NDUFAF6: variants seen among roughly 807,000 people sequenced by gnomAD.
NDUFAF6 encodes the protein NADH dehydrogenase (ubiquinone) complex I, assembly factor 6.
NDUFAF6 carries 45 observed loss-of-function variants against 40.8 expected under a neutral mutation model. The ratio of observed to expected loss-of-function variants is 1.10; its 90% CI spans 0.87 to 1.42. NDUFAF6 has a LOEUF of 1.42. NDUFAF6 is among the 40% of genes most tolerant of loss of function. The pLI is 0.00. For missense variants in NDUFAF6, 435 were observed against 418.5 expected, an observed-to-expected ratio of 1.04 and a Z score of -0.34; for synonymous variants, 185 against 155.9, an observed-to-expected ratio of 1.19 and a Z score of -1.39.
Position 94,911,592 on chromosome 8 carries a change from A to G in NDUFAF6, c.-936+15665A>G, listed in dbSNP as rs112542088. Among the ~76,000 whole-genome samples the G allele has an allele frequency of 2.6e-3, 399 of 152,298 alleles. 4 individuals are homozygous for G. Among genetic ancestry groups the G allele is most frequent in the African/African-American group, 9.1e-3 (378 of 41,572 alleles). ...CAGATAATCACTGTTTCTCCCTTTA[A>G]TCCTTTTAGAGACAAAGTAAGAATA... On this transcript the variant is annotated intron_variant, in intron 1 of 14. Coordinates refer to the NDUFAF6 transcript ENST00000396113.
chr8:95,074,455 TC>T (rs2132041437), intron 9 of NDUFAF6, among the ~76,000 whole-genome samples: 1 of 113,840 alleles, frequency 8.8e-6, no homozygotes, highest in Non-Finnish European at 1.9e-5. Context: ...TCTCTGCACT[TC>T]CCTTCCTGAA....
chr8:95,039,771 G>A (rs1296605533), intron 3 of NDUFAF6, among the ~76,000 whole-genome samples: 1 of 151,626 alleles, frequency 6.6e-6, no homozygotes, highest in Non-Finnish European at 1.5e-5. Flanking sequence ...CTACAAGCAC[G>A]TACCAGCAAG....
At chr8:94,896,171 T>G (rs543696548) in intron 1 of NDUFAF6, among the ~76,000 whole-genome samples, 1 of 151,736 alleles carries the variant, frequency 6.6e-6, no homozygotes, top group South Asian at 2.1e-4. Flanking sequence ...GGAACGGCAT[T>G]CCTCCTCCCC....
intron 8 of NDUFAF6, 97 bp from the exon 9 acceptor site, chr8:95,057,712 A>G: frequency 1.0e-6 from 1 of 975,192 alleles, no homozygotes; most frequent in Non-Finnish European, 1.5e-6. Flanking sequence ...GGAAACTAAA[A>G]TAGCCTAAAT....
chr8:94,968,868 T>G (rs994301077), intron 1 of NDUFAF6, among the ~76,000 whole-genome samples: 1 of 152,078 alleles, frequency 6.6e-6, no homozygotes, highest in African/African-American at 2.4e-5. Flanking sequence ...ATATATTTGA[T>G]AAGATTTGCC....
chr8:94,940,157 G>A, intron 1 of NDUFAF6: 4 of 1,614,126 alleles, frequency 2.5e-6, no homozygotes, highest in Non-Finnish European at 1.7e-6. Context: ...GTGCTCAGTA[G>A]GTGACTCTTC....
chr8:95,034,835 C>G lies in NDUFAF6; in HGVS notation c.298-619C>G, dbSNP rs560561552. ...CCATGTTCCTCATCAAAATTTACCT[C>G]CTAGATTTAGCTTGTGTTGGTGATT... On this transcript the variant is annotated intron_variant, in intron 2 of 8. Transcript: ENST00000396124. 2.6e-5 allele frequency: 4 copies of G among 152,890 alleles called. No homozygotes were observed. In the South Asian group the frequency reaches 8.3e-4, roughly 32 times the overall value. 9.5% of individuals were successfully genotyped at this position (152,890 alleles called of 1,614,324 possible). A position where few individuals can be genotyped will look rare whatever the true frequency, so the allele number is the denominator to read the frequency against.
In NDUFAF6 at chr8:94,961,133, C is replaced by G. The variant is rs368166244; in HGVS notation, c.-199+2954C>G. ...AGAGAAGCAAAATAAACCACTCGGT[C>G]CCAATTAGAAAATTTTTTCTCTTAT... On this transcript the variant is annotated intron_variant, in intron 1 of 9. Transcript: ENST00000396111. Among the ~76,000 whole-genome samples, 5 of 152,176 alleles carry G rather than the reference C, an allele frequency of 3.3e-5. No homozygotes were observed. In the East Asian group the frequency reaches 7.7e-4, roughly 23 times the overall value.
chr8:95,043,417 G>T (rs1830368209), intron 4 of NDUFAF6, among the ~76,000 whole-genome samples: 1 of 151,338 alleles, frequency 6.6e-6, no homozygotes. Flanking sequence ...GATACCAAAG[G>T]CACAAGCAAG....
At chr8:94,952,249 G>A (rs1253396194) in intron 2 of NDUFAF6, among the ~76,000 whole-genome samples, 2 of 152,230 alleles carry the variant, frequency 1.3e-5, no homozygotes, top group Non-Finnish European at 2.9e-5. Context: ...TCCTGCTTAT[G>A]AAAGCAGGCT....
chr8:94,936,584 T>A (rs1046229279), intron 1 of NDUFAF6, among the ~76,000 whole-genome samples: 8 of 151,980 alleles, frequency 5.3e-5, no homozygotes, highest in African/African-American at 1.9e-4. Context: ...TAGGTTTGGG[T>A]TTTTACTGAC....
At chr8:94,968,251 A>G (rs1455730632) in intron 1 of NDUFAF6, among the ~76,000 whole-genome samples, 1 of 152,138 alleles carries the variant, frequency 6.6e-6, no homozygotes, top group African/African-American at 2.4e-5. Context: ...AGGGGAGGGG[A>G]TTACATAAGG....
intron 2 of NDUFAF6, among the ~76,000 whole-genome samples, chr8:95,015,168 C>T (rs1401888151): frequency 1.3e-5 from 2 of 152,162 alleles, no homozygotes; most frequent in African/African-American, 4.8e-5. Flanking sequence ...AGACTCGAAT[C>T]CATCTTGTAG....
intron 2 of NDUFAF6, among the ~76,000 whole-genome samples, chr8:95,006,602 C>T (rs1254996975): frequency 2.0e-5 from 3 of 152,052 alleles, no homozygotes; most frequent in African/African-American, 7.2e-5. Context: ...TGCTTTAGGC[C>T]AGGCACAGTG....
intron 4 of NDUFAF6, among the ~76,000 whole-genome samples, chr8:95,109,855 T>C (rs1291983244): frequency 6.6e-6 from 1 of 152,238 alleles, no homozygotes; most frequent in East Asian, 1.9e-4. Flanking sequence ...ATCATGCAGG[T>C]GAGTCTGTTT....
chr8:94,945,323 G>T (rs933198186), intron 1 of NDUFAF6, among the ~76,000 whole-genome samples: 6 of 152,064 alleles, frequency 3.9e-5, no homozygotes, highest in African/African-American at 1.4e-4. Context: ...CCCCCAAAAT[G>T]CAAAACAGTT....
At chr8:95,091,888 C>T (rs1809263616) in intron 2 of NDUFAF6, among the ~76,000 whole-genome samples, 1 of 149,430 alleles carries the variant, frequency 6.7e-6, no homozygotes, top group African/African-American at 2.5e-5. Context: ...GATACTTCCA[C>T]CATGACTGCA....
chr8:94,934,457 C>T (rs1586708445), intron 1 of NDUFAF6, among the ~76,000 whole-genome samples: 1 of 151,540 alleles, frequency 6.6e-6, no homozygotes, highest in African/African-American at 2.4e-5. Context: ...GTGATCTCAG[C>T]TCACTGCAAC....
intron 2 of NDUFAF6, among the ~76,000 whole-genome samples, chr8:95,002,010 G>A (rs1826758614): frequency 6.6e-6 from 1 of 152,210 alleles, no homozygotes; most frequent in Admixed American, 6.5e-5. Flanking sequence ...AGATTAACCT[G>A]CACTTATTTA....
Sources: allele counts gnomAD v4.1 joint callset (sites outside exome capture counted in the v4.1 genomes callset), GRCh38; gene constraint gnomAD v4.1.1; transcripts MANE v1.5; gene names NCBI Gene and HGNC (gene_info 2026-07-23, HGNC 2026-07-21).